EPB41L3: variants seen among roughly 807,000 people sequenced by gnomAD.
EPB41L3 encodes the protein band 4.1-like protein 3.
EPB41L3 carries 57 observed loss-of-function variants against 127.1 expected under a neutral mutation model. The ratio of observed to expected loss-of-function variants is 0.45; its 90% CI spans 0.36 to 0.56. The LOEUF (loss-of-function observed/expected upper bound fraction) is 0.56, where lower values mean the gene tolerates loss of function less well. Ranked by LOEUF, EPB41L3 falls within the 20% of genes least tolerant of loss-of-function variation. The pLI is 0.00. For missense variants in EPB41L3, 1,273 were observed against 1,372.2 expected, an observed-to-expected ratio of 0.93 and a Z score of 1.14; for synonymous variants, 572 against 549.5, an observed-to-expected ratio of 1.04 and a Z score of -0.57.
intron 9 of EPB41L3, among the ~76,000 whole-genome samples, chr18:5,427,916 T>G (rs2078441520): frequency 6.6e-6 from 1 of 152,048 alleles, no homozygotes; most frequent in Non-Finnish European, 1.5e-5. Context: ...CGGCTAATTT[T>G]TTGTATATTT....
At position 5,395,055 on chromosome 18, in the gene EPB41L3, C is replaced by T; in HGVS notation, c.3153+12G>A. The T allele has an allele frequency of 1.2e-6, 2 of 1,613,082 alleles. No individual in the cohort carries two copies. The highest frequency in any genetic ancestry group is 1.7e-6 in the Non-Finnish European group (2 of 1,179,022). ...TTCTCTGCCAGGGTATTTACCGTCT[C>T]ACACACACTACCTGGTCATGGTCAA... is the stretch of plus-strand genomic sequence containing the variant. On this transcript the variant is annotated intron_variant, in intron 21 of 22. Coordinates refer to ENST00000341928, the MANE Select transcript of EPB41L3 (RefSeq NM_012307.5).
chr18:5,404,966 T>C (rs1279413360), intron 16 of EPB41L3, among the ~76,000 whole-genome samples: 1 of 152,222 alleles, frequency 6.6e-6, no homozygotes, highest in Non-Finnish European at 1.5e-5. Context: ...AATTTGTCTC[T>C]TGAAACTCAG....
chr18:5,509,823 T>C (rs2092423568), intron 1 of EPB41L3, among the ~76,000 whole-genome samples: 1 of 152,240 alleles, frequency 6.6e-6, no homozygotes, highest in Non-Finnish European at 1.5e-5. Flanking sequence ...TGTTATCTTG[T>C]TTGCAATTTT....
chr18:5,402,664 TGA>T (rs2074696459), intron 16 of EPB41L3, among the ~76,000 whole-genome samples: 1 of 152,176 alleles, frequency 6.6e-6, no homozygotes, highest in South Asian at 2.1e-4. Context: ...GAAGAGGTAC[TGA>T]TAAAGAAAAG....
intron 3 of EPB41L3, among the ~76,000 whole-genome samples, chr18:5,549,959 G>T (rs1428377955): frequency 6.6e-6 from 1 of 152,172 alleles, no homozygotes; most frequent in Non-Finnish European, 1.5e-5. Flanking sequence ...GTCATTGCAT[G>T]CATCAGTCTG....
chr18:5,594,819 C>CAACCAGG (rs2094521162), intron 3 of EPB41L3, among the ~76,000 whole-genome samples: 1 of 152,146 alleles, frequency 6.6e-6, no homozygotes, highest in Non-Finnish European at 1.5e-5. Context: ...TGGAATTAAA[C>CAACCAGG]AACCAGGACA....
chr18:5,589,478 T>C (rs2094467333), intron 3 of EPB41L3, among the ~76,000 whole-genome samples: 1 of 152,194 alleles, frequency 6.6e-6, no homozygotes, highest in South Asian at 2.1e-4. Context: ...TTTGATCATG[T>C]GGCTATAAAA....
intron 3 of EPB41L3, among the ~76,000 whole-genome samples, chr18:5,562,835 G>C (rs1362116712): frequency 2.6e-5 from 4 of 152,178 alleles, no homozygotes; most frequent in African/African-American, 9.7e-5. Context: ...TTCCCATCCA[G>C]CCTTCTTCGG....
chr18:5,565,347 G>C (rs187575623), intron 3 of EPB41L3, among the ~76,000 whole-genome samples: 14 of 152,262 alleles, frequency 9.2e-5, no homozygotes, highest in Admixed American at 7.2e-4. Flanking sequence ...GGGAGGTGGA[G>C]GTTGTAGAGA....
At chr18:5,531,376 T>C (rs893202676) in intron 1 of EPB41L3, among the ~76,000 whole-genome samples, 6 of 152,136 alleles carry the variant, frequency 3.9e-5, no homozygotes, top group South Asian at 2.1e-4. Flanking sequence ...GGATCAGAGA[T>C]AGATCCAGGT....
At chr18:5,570,345 A>G (rs979597371) in intron 3 of EPB41L3, 3 of 152,118 alleles carry the variant, frequency 2.0e-5, no homozygotes, top group Non-Finnish European at 2.9e-5. Flanking sequence ...GTTCAGTGGC[A>G]TTTTCTCATT....
chr18:5,621,976 A>C (rs2094868107), intron 1 of EPB41L3, among the ~76,000 whole-genome samples: 1 of 152,180 alleles, frequency 6.6e-6, no homozygotes, highest in Admixed American at 6.5e-5. Context: ...CAAAATATTA[A>C]TTTCTACTTG....
chr18:5,529,928 A>ATGGGTGTGTGTGTGTGTG (rs2093356007), intron 1 of EPB41L3, among the ~76,000 whole-genome samples: 1 of 146,772 alleles, frequency 6.8e-6, no homozygotes, highest in African/African-American at 2.6e-5. Flanking sequence ...CAACTCATAT[A>ATGGGTGTGTGTGTGTGTG]TGTGTGTGTG....
chr18:5,624,885 T>C (rs971504765), intron 1 of EPB41L3, among the ~76,000 whole-genome samples: 13 of 152,148 alleles, frequency 8.5e-5, no homozygotes, highest in Non-Finnish European at 1.5e-4. Flanking sequence ...AGAGATCTCT[T>C]CTGAGAATTA....
chr18:5,587,949 T>A (rs2094454493), intron 3 of EPB41L3, among the ~76,000 whole-genome samples: 1 of 152,130 alleles, frequency 6.6e-6, no homozygotes. Context: ...ATACCTAACC[T>A]CAACTTAGAC....
intron 1 of EPB41L3, among the ~76,000 whole-genome samples, chr18:5,502,695 C>T (rs1367416897): frequency 6.6e-6 from 1 of 152,146 alleles, no homozygotes; most frequent in Non-Finnish European, 1.5e-5. Context: ...CAACATTGGT[C>T]CCAACACATT....
At chr18:5,612,103 A>C (rs1306433056) in intron 3 of EPB41L3, among the ~76,000 whole-genome samples, 1 of 151,966 alleles carries the variant, frequency 6.6e-6, no homozygotes, top group Non-Finnish European at 1.5e-5. Context: ...AAAAAAAAAA[A>C]CCACTACTAT....
rs542409407 is a variant in EPB41L3, at chr18:5,534,618, C to T, written c.-12+9295G>A. 5.3e-5 allele frequency among the ~76,000 whole-genome samples: 8 copies of T among 152,238 alleles called. No homozygotes were observed. The East Asian group carries it at 7.7e-4, about 15-fold the overall frequency. On this transcript the variant is annotated intron_variant, in intron 1 of 22. Coordinates refer to ENST00000341928, the MANE Select transcript of EPB41L3 (RefSeq NM_012307.5). ...TCATAGAGGGCCATCTTTTGGATTA[C>T]GGGTTTTGTGGTGGAATGTCACAAA...
intron 11 of EPB41L3, among the ~76,000 whole-genome samples, 185 bp downstream of exon 11, chr18:5,423,193 A>G (rs2145217247): frequency 6.6e-6 from 1 of 152,292 alleles, no homozygotes; most frequent in Non-Finnish European, 1.5e-5. Context: ...TGCAGATGTT[A>G]GACTGACAAA....
Sources: allele counts gnomAD v4.1 joint callset (sites outside exome capture counted in the v4.1 genomes callset), GRCh38; gene constraint gnomAD v4.1.1; transcripts MANE v1.5; gene names NCBI Gene and HGNC (gene_info 2026-07-23, HGNC 2026-07-21).